The following PIK3R3 variants were observed in gnomAD, a reference collection of about 807,000 sequenced individuals.
The protein encoded by PIK3R3 is phosphatidylinositol 3-kinase regulatory subunit gamma.
A neutral mutation model predicts 62.9 loss-of-function variants in PIK3R3; 64 were observed. That is an observed-to-expected ratio of 1.02 (90% CI 0.83 to 1.25). PIK3R3 has a LOEUF of 1.25. PIK3R3 is among the 50% of genes most tolerant of loss of function. PIK3R3 has a pLI of 0.00. For synonymous variants in PIK3R3, 165 were observed against 189.0 expected (o/e 0.87, Z 1.04); for missense variants, 614 against 561.6 (o/e 1.09, Z -0.94).
At chr1:46,159,114 A>AATAAATAAATAC in the PIK3R3 span, among the ~76,000 whole-genome samples, 1 of 151,802 alleles carries the variant, frequency 6.6e-6, no homozygotes, top group Non-Finnish European at 1.5e-5. Context: ...TAAATAAATA[A>AATAAATAAATAC]ATAAATAAAA....
chr1:46,086,029 T>A (rs1651020947), intron 1 of PIK3R3, among the ~76,000 whole-genome samples: 3 of 152,200 alleles, frequency 2.0e-5, no homozygotes, highest in African/African-American at 7.2e-5. Flanking sequence ...CATGGGCCAC[T>A]CACGCCTGGC....
At chr1:46,072,853 A>G (rs1649670494) in intron 3 of PIK3R3, among the ~76,000 whole-genome samples, 1 of 152,098 alleles carries the variant, frequency 6.6e-6, no homozygotes, top group Admixed American at 6.5e-5. Flanking sequence ...GCCACTCGGG[A>G]GGCTGAGGCA....
At chr1:46,118,601 G>A (rs1012094451) in intron 1 of PIK3R3, among the ~76,000 whole-genome samples, 4 of 148,696 alleles carry the variant, frequency 2.7e-5, no homozygotes, top group African/African-American at 5.0e-5. Context: ...TGCCACCCAG[G>A]CTGGAATGCA....
intron 1 of PIK3R3, among the ~76,000 whole-genome samples, chr1:46,117,299 G>A (rs1654271156): frequency 2.0e-5 from 3 of 152,044 alleles, no homozygotes; most frequent in Admixed American, 2.0e-4. Context: ...TAGGTATGGT[G>A]GCACGCACCT....
In PIK3R3 at chr1:46,049,505, T is replaced by C. The variant is rs147309016; in HGVS notation, c.942-2880A>G. ...AAAACGGTGCCTCAGGCACAGGGCATCCTGGATGGAGAATGAGGTTTTAAG... is the reference window on the plus strand; with the variant it reads ...AAAACGGTGCCTCAGGCACAGGGCACCCTGGATGGAGAATGAGGTTTTAAG... On this transcript the variant is annotated intron_variant, in intron 7 of 9. Transcript: ENST00000262741. 6.3e-4 allele frequency among the ~76,000 whole-genome samples: 96 copies of C among 152,342 alleles called. 1 individual carries two copies. The East Asian group carries it at 0.016, about 25-fold the overall frequency.
chr1:46,129,346 T>C (rs1457274904), intron 1 of PIK3R3, among the ~76,000 whole-genome samples: 2 of 152,028 alleles, frequency 1.3e-5, no homozygotes, highest in Non-Finnish European at 2.9e-5. Context: ...ACTAGAAAAT[T>C]AAGTTGGAAG....
At chr1:46,159,719 A>G in the PIK3R3 span, among the ~76,000 whole-genome samples, 2 of 146,338 alleles carry the variant, frequency 1.4e-5, no homozygotes, top group Non-Finnish European at 3.0e-5. Flanking sequence ...CTGGTTCTCA[A>G]CCCTCTCTAT....
intron 1 of PIK3R3, among the ~76,000 whole-genome samples, chr1:46,105,418 G>A (rs576902234): frequency 2.0e-5 from 3 of 151,976 alleles, no homozygotes; most frequent in African/African-American, 7.2e-5. Context: ...AGAATCGCTC[G>A]AACTGAACCC....
chr1:46,107,522 T>G (rs1653333948), intron 1 of PIK3R3, among the ~76,000 whole-genome samples: 1 of 152,100 alleles, frequency 6.6e-6, no homozygotes, highest in Non-Finnish European at 1.5e-5. Context: ...GCCACTGCAC[T>G]CCAGCCTGGG....
chr1:46,120,286 A>T (rs1654548326), intron 1 of PIK3R3, among the ~76,000 whole-genome samples: 1 of 152,234 alleles, frequency 6.6e-6, no homozygotes, highest in Non-Finnish European at 1.5e-5. Context: ...AACTTAGAAA[A>T]TGAAAATGTG....
intron 1 of PIK3R3, among the ~76,000 whole-genome samples, chr1:46,130,272 T>C (rs535721328): frequency 6.6e-6 from 1 of 152,318 alleles, no homozygotes; most frequent in Admixed American, 6.5e-5. Context: ...CCTTACTTTT[T>C]ACAATAAAAG....
At chr1:46,116,143 GAAT>G (rs1446526003) in intron 1 of PIK3R3, among the ~76,000 whole-genome samples, 1 of 152,122 alleles carries the variant, frequency 6.6e-6, no homozygotes, top group East Asian at 1.9e-4. Context: ...AATTTAATTT[GAAT>G]ATTAGGCTGG....
chr1:46,162,265 T>C, the PIK3R3 span, among the ~76,000 whole-genome samples: 6 of 151,978 alleles, frequency 3.9e-5, no homozygotes, highest in East Asian at 1.2e-3. Flanking sequence ...GGGGGACCAC[T>C]TGAGCCCAGG....
intron 7 of PIK3R3, among the ~76,000 whole-genome samples, chr1:46,052,137 CA>C (rs200704156): frequency 0.012 from 1,799 of 146,120 alleles, 28 homozygotes; most frequent in African/African-American, 0.039. Context: ...GACTCCATCT[CA>C]AAAAAAAAAT....
the PIK3R3 span, among the ~76,000 whole-genome samples, chr1:46,158,360 C>T: frequency 6.6e-6 from 1 of 152,232 alleles, no homozygotes; most frequent in Non-Finnish European, 1.5e-5. Context: ...CCCCACCCCA[C>T]TTGTGACTTG....
chr1:46,068,407 C>G (rs750842162), intron 3 of PIK3R3, among the ~76,000 whole-genome samples: 10 of 152,080 alleles, frequency 6.6e-5, no homozygotes, highest in Non-Finnish European at 1.2e-4. Flanking sequence ...AGTTTAACAG[C>G]ATAAGGAACA....
rs916607718 is a variant in PIK3R3 at position 46,055,870 on chromosome 1, C to T, written c.866G>A (p.Arg289Gln). Residue 289 changes from arginine to glutamine, a missense_variant, in exon 7 of 10, where the codon CGA becomes CAA. Arg to Gln is a conservative substitution (Grantham distance 43). Transcript: ENST00000262741. ...QDLKNQALDN[R>Q]EIDKKMNSIK... ...GCTATTCATTTTTTTATCTATTTCT[C>T]GGTTGTCCAAAGCTTGATTCTTCAA... The T allele has an allele frequency of 8.1e-6, 13 of 1,611,072 alleles. No individual in the cohort carries two copies. The highest frequency in any genetic ancestry group is 1.1e-5 in the South Asian group (1 of 90,916).
intron 6 of PIK3R3, chr1:46,056,816 G>T (rs1013802570): frequency 1.3e-5 from 2 of 152,204 alleles, no homozygotes; most frequent in Non-Finnish European, 2.9e-5. Flanking sequence ...ATCCAGCAAT[G>T]ACTGAACAAG....
chr1:46,087,937 G>A (rs1435583618), intron 1 of PIK3R3, among the ~76,000 whole-genome samples: 1 of 152,188 alleles, frequency 6.6e-6, no homozygotes, highest in Non-Finnish European at 1.5e-5. Context: ...GAATGCTGTT[G>A]GCCAAGGGCT....
Sources: allele counts gnomAD v4.1 joint callset (sites outside exome capture counted in the v4.1 genomes callset), GRCh38; gene constraint gnomAD v4.1.1; transcripts MANE v1.5; gene names NCBI Gene and HGNC (gene_info 2026-07-23, HGNC 2026-07-21).